Variants in CACNA1I observed in about 807,000 individuals in gnomAD.
CACNA1I encodes the protein calcium voltage-gated channel subunit alpha1 I.
CACNA1I carries 74 observed loss-of-function variants against 201.6 expected under a neutral mutation model. The observed-to-expected ratio is 0.37, with a 90% CI of 0.30 to 0.45. The LOEUF is 0.45. CACNA1I is among the 20% of genes least tolerant of loss of function. CACNA1I has a pLI of 1.00. For synonymous variants in CACNA1I, 1,431 were observed against 1,345.2 expected (o/e 1.06, Z -1.40); for missense variants, 2,346 against 3,138.1 (o/e 0.75, Z 6.03).
intron 3 of CACNA1I, among the ~76,000 whole-genome samples, chr22:39,601,400 A>C (rs1933024563): frequency 6.6e-6 from 1 of 152,196 alleles, no homozygotes; most frequent in African/African-American, 2.4e-5. Context: ...GTTTGCTGAG[A>C]GCATTTAACA....
At chr22:39,660,232 G>A in intron 14 of CACNA1I, 112 bp from the exon 15 acceptor site, 1 of 750,156 alleles carries the variant, frequency 1.3e-6, no homozygotes, top group Non-Finnish European at 2.2e-6. Flanking sequence ...CCAAACCTCA[G>A]TTTTCCCATT....
At chr22:39,588,934 T>C (rs895382921) in intron 1 of CACNA1I, among the ~76,000 whole-genome samples, 4 of 152,236 alleles carry the variant, frequency 2.6e-5, no homozygotes, top group Admixed American at 2.6e-4. Flanking sequence ...CTGTTGTGTG[T>C]TTCAGTTGCC....
intron 10 of CACNA1I, chr22:39,656,382 C>T (rs761335843): frequency 4.6e-5 from 24 of 518,690 alleles, no homozygotes; most frequent in African/African-American, 7.7e-5. Context: ...TGCTCCCTGG[C>T]GCCAGCTCTC....
intron 18 of CACNA1I, among the ~76,000 whole-genome samples, chr22:39,663,151 G>A (rs1283148762): frequency 3.9e-5 from 6 of 152,230 alleles, no homozygotes; most frequent in Admixed American, 3.9e-4. Context: ...CTGGGGCTAG[G>A]CGAGGACTTT....
chr22:39,634,387 A>C (rs940533814), intron 4 of CACNA1I, among the ~76,000 whole-genome samples, 178 bp from the exon 5 acceptor site: 4 of 152,136 alleles, frequency 2.6e-5, no homozygotes, highest in Non-Finnish European at 4.4e-5. Context: ...TTTTCGGTGG[A>C]GGGGCAGATA....
intron 1 of CACNA1I, among the ~76,000 whole-genome samples, chr22:39,594,157 C>G (rs1490938660): frequency 2.6e-5 from 4 of 152,108 alleles, no homozygotes; most frequent in Non-Finnish European, 5.9e-5. Context: ...GCTGTGAAAC[C>G]CAGGAGAGGC....
chr22:39,575,461 C>T (rs960863226), intron 1 of CACNA1I, among the ~76,000 whole-genome samples: 4 of 152,116 alleles, frequency 2.6e-5, no homozygotes, highest in Non-Finnish European at 5.9e-5. Flanking sequence ...CTGAACAGGG[C>T]CCTCACGTAC....
At position 39,646,451 on chromosome 22, in the gene CACNA1I, C is replaced by G. The variant is rs1351422744; in HGVS notation, c.1150-118C>G. The G allele has an allele frequency of 4.2e-6, 6 of 1,426,026 alleles. No homozygotes were observed. The East Asian group carries it at 1.3e-4, about 30-fold the overall frequency. 88.3% of individuals were successfully genotyped at this position (1,426,026 alleles called of 1,614,324 possible). A position where few individuals can be genotyped will look rare whatever the true frequency, so the allele number is the denominator to read the frequency against. ...TCTCCATCTCCATCTCCCCATCTCCCTCTGCCTCCCTCTCCCCATGTCTCC... is the reference window on the plus strand; with the variant it reads ...TCTCCATCTCCATCTCCCCATCTCCGTCTGCCTCCCTCTCCCCATGTCTCC... On this transcript the variant is annotated intron_variant, in intron 7 of 36. Coordinates refer to ENST00000402142, the MANE Select transcript of CACNA1I (RefSeq NM_021096.4).
At chr22:39,575,147 G>A (rs1932303946) in intron 1 of CACNA1I, among the ~76,000 whole-genome samples, 2 of 152,270 alleles carry the variant, frequency 1.3e-5, no homozygotes, top group African/African-American at 4.8e-5. Context: ...CTCTGGATTC[G>A]AAATGTCAGG....
In CACNA1I at chr22:39,588,627, C is replaced by T. The variant is rs533251882; in HGVS notation, c.237-9524C>T. ...GTCTCGATCTCCTGACCTCGTGATC[C>T]GCCTGCCTCAGCCTCCCAAAGTGCT... On this transcript the variant is annotated intron_variant, in intron 1 of 36. Coordinates refer to ENST00000402142, the MANE Select transcript of CACNA1I (RefSeq NM_021096.4). Among the ~76,000 whole-genome samples the T allele has an allele frequency of 1.7e-4, 26 of 152,022 alleles. No individual in the cohort carries two copies. The South Asian group carries it at 4.6e-3, about 27-fold the overall frequency.
chr22:39,658,941 A>G lies in CACNA1I; in HGVS notation c.2155A>G (p.Ile719Val), dbSNP rs914359345. The G allele has an allele frequency of 6.3e-7, 1 of 1,596,410 alleles. No homozygotes were observed. Among genetic ancestry groups the G allele is most frequent in the South Asian group, 1.1e-5 (1 of 88,260 alleles). Reference sequence around the variant, plus strand: ...CCTGCGGGACCGCAGCATCTGGGAGATTGTGGGGCAGGCGGACGGTGGGCT... The same window carrying G: ...CCTGCGGGACCGCAGCATCTGGGAGGTTGTGGGGCAGGCGGACGGTGGGCT... ...SIIVIISIWE[I>V]VGQADGGLSV... Residue 719 changes from isoleucine to valine, a missense_variant, in exon 12 of 37, where the codon ATT (isoleucine) becomes GTT (valine). Around this residue, in one of 13 missense-constraint regions of CACNA1I, gnomAD observed 155 missense variants for 300.8 expected, o/e 0.52. Coordinates refer to ENST00000402142, the MANE Select transcript of CACNA1I (RefSeq NM_021096.4).
intron 3 of CACNA1I, among the ~76,000 whole-genome samples, chr22:39,603,151 C>CAA (rs11430018): frequency 0.053 from 7,028 of 132,388 alleles, 522 homozygotes; most frequent in African/African-American, 0.17. Context: ...AAGACCCTGT[C>CAA]AAAAAAAAAA....
In CACNA1I at chr22:39,658,330, G is replaced by A. The variant is rs147442107; in HGVS notation, c.2144+27G>A. ...TACCCCTCCCCCAACCCACCCGGCA[G>A]CAGAGTGCCTCGGGGGGACATTTAC... On this transcript the variant is annotated intron_variant, in intron 11 of 36. Coordinates refer to ENST00000402142, the MANE Select transcript of CACNA1I (RefSeq NM_021096.4). 5.3e-4 allele frequency: 849 copies of A among 1,608,466 alleles called. 4 individuals are homozygous for A. In the African/African-American group the frequency reaches 0.01, roughly 19 times the overall value.
rs948085886 is a variant in CACNA1I, at chr22:39,676,943, T to G, written c.4855-398T>G. On this transcript the variant is annotated intron_variant, in intron 29 of 36. Transcript: ENST00000402142. This position sits in a 1 kb window ranked among gnomAD's most constrained non-coding sequence, Gnocchi z 4.8. ...GGACCCTGGGGCCAGCCTGCTGGGT[T>G]TGGACCCTTGTCCTACCAGTTACTA... Among the ~76,000 whole-genome samples, 1 of 152,200 alleles carries G rather than the reference T, an allele frequency of 6.6e-6. No individual in the cohort carries two copies. Among genetic ancestry groups the G allele is most frequent in the African/African-American group, 2.4e-5 (1 of 41,446 alleles).
intron 4 of CACNA1I, among the ~76,000 whole-genome samples, chr22:39,631,875 C>T (rs575611715): frequency 7.0e-4 from 107 of 152,192 alleles, no homozygotes; most frequent in African/African-American, 2.3e-3. Context: ...ATCCTGTGGC[C>T]CCTCTTCCCT....
intron 3 of CACNA1I, among the ~76,000 whole-genome samples, chr22:39,606,650 A>G (rs1331650980): frequency 6.6e-6 from 1 of 152,224 alleles, no homozygotes; most frequent in Non-Finnish European, 1.5e-5. Flanking sequence ...CTCATGCCTC[A>G]GCCTCCCGAG....
intron 1 of CACNA1I, among the ~76,000 whole-genome samples, chr22:39,590,877 G>A (rs527917981): frequency 1.3e-5 from 2 of 152,160 alleles, no homozygotes; most frequent in South Asian, 4.1e-4. Context: ...ATAGGATCTC[G>A]CTCTGTCGCT....
In CACNA1I at chr22:39,629,999, A is replaced by G. The variant is rs1007669075; in HGVS notation, c.581-4566A>G. On this transcript the variant is annotated intron_variant, in intron 4 of 36. Transcript: ENST00000402142. The surrounding 1 kb of genome is among the most constrained non-coding windows in gnomAD (Gnocchi z 4.8). ...AGCCCCCTGGCCCTGTCTCCTCCCC[A>G]GCCTCATCCCTGCTCAGCTTCCCCC... 2.0e-5 allele frequency among the ~76,000 whole-genome samples: 3 copies of G among 151,816 alleles called. No homozygotes were observed.
In CACNA1I at chr22:39,649,871, C is replaced by T; in HGVS notation, c.1938C>T (p.Ile646=). 1 of 1,613,572 alleles carries T rather than the reference C, an allele frequency of 6.2e-7. No individual in the cohort carries two copies. Residue 646 remains isoleucine (I), a synonymous_variant, in exon 10 of 37, where the codon ATC becomes ATT. Coordinates refer to ENST00000402142, the MANE Select transcript of CACNA1I (RefSeq NM_021096.4). This position sits in a 1 kb window ranked among gnomAD's most constrained non-coding sequence, Gnocchi z 7.3. ...IVDSKYFNRG[I]MMAILVNTVS... is the part of the protein sequence containing the mutation. ...ACAGCAAGTACTTCAACCGGGGCAT[C>T]ATGATGGCCATCCTGGTCAACACCG...
Sources: gnomAD v4.1 joint callset for allele counts (sites outside exome capture counted in the v4.1 genomes callset) on GRCh38, gnomAD v4.1.1 for gene constraint, gnomAD v4.1.1 regional missense constraint, Gnocchi (gnomAD v3.1) non-coding constraint, MANE v1.5 for transcripts, NCBI Gene and HGNC (gene_info 2026-07-23, HGNC 2026-07-21) for gene names.